Variants in DMD observed in about 807,000 individuals in gnomAD.
DMD encodes the protein dystrophin, also known as mutant dystrophin.
Under a neutral mutation model 330.1 loss-of-function variants are expected in DMD, and 63 were observed. The observed-to-expected ratio is 0.19, with a 90% CI of 0.16 to 0.24. The LOEUF is 0.24. DMD is among the 10% of genes least tolerant of loss of function. The pLI, the probability that DMD is intolerant of heterozygous loss-of-function variation, is 1.00. For synonymous variants in DMD, 1,223 were observed against 959.8 expected (o/e 1.27, Z -5.07); for missense variants, 3,344 against 2,684.1 (o/e 1.25, Z -5.43).
chrX:32,667,706 C>G (rs766869716), intron 9 of DMD, among the ~76,000 whole-genome samples: 15 of 108,910 alleles, frequency 1.4e-4, no homozygotes, highest in Non-Finnish European at 2.8e-4. Context: ...TACATTTTGT[C>G]TATTTGACAC....
chrX:31,603,098 C>T (rs560714707), intron 55 of DMD, among the ~76,000 whole-genome samples: 112 of 110,716 alleles, frequency 1.0e-3, no homozygotes, highest in South Asian at 1.2e-3. Context: ...TGTCATACCC[C>T]GAGTAGCTGA....
intron 74 of DMD, among the ~76,000 whole-genome samples, chrX:31,149,272 A>G (rs1378024256): frequency 2.7e-5 from 3 of 112,151 alleles, no homozygotes; most frequent in African/African-American, 3.2e-5. Context: ...TCAAGTGTCC[A>G]TAAATATACA....
At chrX:32,280,219 C>T (rs184175188) in intron 43 of DMD, among the ~76,000 whole-genome samples, 269 of 97,920 alleles carry the variant, frequency 2.7e-3, no homozygotes, top group African/African-American at 9.5e-3. Context: ...TTAAAAATAA[C>T]ATTTAAAGAT....
intron 60 of DMD, among the ~76,000 whole-genome samples, chrX:31,390,480 A>G (rs1320218443): frequency 9.0e-6 from 1 of 110,624 alleles, no homozygotes; most frequent in East Asian, 2.9e-4. Context: ...AACATGTCTA[A>G]AACTGAACTG....
At chrX:31,473,354 T>G (rs1603200281) in intron 59 of DMD, among the ~76,000 whole-genome samples, 1 of 94,519 alleles carries the variant, frequency 1.1e-5, no homozygotes, top group Non-Finnish European at 2.1e-5. Flanking sequence ...GGTGACAGAG[T>G]GAGACTGTCT....
intron 60 of DMD, among the ~76,000 whole-genome samples, chrX:31,351,725 C>CAAAAAAAAAAA (rs3061693): frequency 0.012 from 625 of 52,937 alleles, 29 homozygotes; most frequent in African/African-American, 0.05. Flanking sequence ...GACTCCATCT[C>CAAAAAAAAAAA]AAAAAAAAAA....
intron 44 of DMD, among the ~76,000 whole-genome samples, chrX:32,101,359 A>G (rs150272830): frequency 0.01 from 1,130 of 111,162 alleles, 9 homozygotes; most frequent in African/African-American, 0.034. Flanking sequence ...ATTTAGGATT[A>G]CTACGAAGAA....
chrX:31,892,965 C>T (rs983988909), intron 47 of DMD, among the ~76,000 whole-genome samples: 9 of 111,466 alleles, frequency 8.1e-5, no homozygotes, highest in African/African-American at 2.6e-4. Flanking sequence ...TTTAATGTGG[C>T]CATTAAGATT....
chrX:32,383,887 A>C (rs929580233), intron 33 of DMD, among the ~76,000 whole-genome samples: 6 of 109,378 alleles, frequency 5.5e-5, no homozygotes, highest in Admixed American at 2.9e-4. Context: ...TGTTAAATTT[A>C]CTCTTGCAAT....
chrX:32,809,734 G>C (rs1176226304), intron 6 of DMD, 123 bp from the exon 7 acceptor site: 17 of 551,545 alleles, frequency 3.1e-5, no homozygotes, highest in Non-Finnish European at 5.0e-5. Context: ...CTTAAGTCTT[G>C]AGTGTAATTC....
intron 13 of DMD, 104 bp downstream of exon 13, chrX:32,595,653 C>T (rs2055432837): frequency 5.0e-6 from 4 of 792,466 alleles, no homozygotes; most frequent in Non-Finnish European, 7.5e-6. Context: ...ATATTGTATT[C>T]TAAGTATTTT....
chrX:31,740,273 T>C (rs2087219622), intron 51 of DMD, among the ~76,000 whole-genome samples: 1 of 112,623 alleles, frequency 8.9e-6, no homozygotes, highest in South Asian at 3.6e-4. Flanking sequence ...TTCACATTTC[T>C]TGAAACTCTA....
intron 34 of DMD, among the ~76,000 whole-genome samples, chrX:32,380,058 G>A (rs958024688): frequency 1.8e-5 from 2 of 111,460 alleles, no homozygotes; most frequent in Admixed American, 9.6e-5. Context: ...GGAAATGATA[G>A]CCCCTGCATA....
intron 42 of DMD, among the ~76,000 whole-genome samples, chrX:32,309,371 G>C (rs984000597): frequency 9.0e-6 from 1 of 111,004 alleles, no homozygotes; most frequent in African/African-American, 3.3e-5. Flanking sequence ...ATTTCATTTT[G>C]AGTGTAAAAT....
intron 21 of DMD, among the ~76,000 whole-genome samples, chrX:32,484,633 C>G (rs1437213238): frequency 1.8e-5 from 2 of 111,966 alleles, no homozygotes; most frequent in Non-Finnish European, 3.8e-5. Flanking sequence ...CTTTTATTTT[C>G]TTCTATATTC....
chrX:31,554,458 G>T (rs1252525022), intron 55 of DMD, among the ~76,000 whole-genome samples: 1 of 111,419 alleles, frequency 9.0e-6, no homozygotes, highest in Non-Finnish European at 1.9e-5. Flanking sequence ...CTGGTATCTG[G>T]TTGGGAGAAT....
At chrX:31,572,063 T>C (rs778420108) in intron 55 of DMD, among the ~76,000 whole-genome samples, 7 of 110,379 alleles carry the variant, frequency 6.3e-5, no homozygotes, top group African/African-American at 2.3e-4. Context: ...TGAAATAAAA[T>C]GTAAAACGGA....
chrX:31,968,635 A>G (rs2095371946), intron 44 of DMD, 121 bp from the exon 45 acceptor site: 1 of 786,430 alleles, frequency 1.3e-6, no homozygotes, highest in Admixed American at 2.8e-5. Context: ...CAAAAGCTCC[A>G]TGTGAAAATT....
intron 1 of DMD, among the ~76,000 whole-genome samples, chrX:33,205,436 A>G (rs1426028301): frequency 8.9e-6 from 1 of 112,154 alleles, no homozygotes; most frequent in Admixed American, 9.5e-5. Context: ...TAAAATCTGC[A>G]CTTGTAACAG....
Sources: allele counts gnomAD v4.1 joint callset (sites outside exome capture counted in the v4.1 genomes callset), GRCh38; gene constraint gnomAD v4.1.1; transcripts MANE v1.5; gene names NCBI Gene and HGNC (gene_info 2026-07-23, HGNC 2026-07-21).